The following KIAA1549 variants were observed in gnomAD, a reference collection of about 807,000 sequenced individuals.
KIAA1549 encodes the protein KIAA1549.
KIAA1549 carries 70 observed loss-of-function variants against 156.4 expected under a neutral mutation model. The observed-to-expected ratio is 0.45, with a 90% CI of 0.37 to 0.55. KIAA1549 has a LOEUF of 0.55. Among genes scored for constraint, KIAA1549 ranks in the 20% least tolerant of loss-of-function variants. The pLI, the probability that KIAA1549 is intolerant of heterozygous loss-of-function variation, is 0.00. For synonymous variants in KIAA1549, 1,103 were observed against 1,066.4 expected, an observed-to-expected ratio of 1.03 and a Z score of -0.67; for missense variants, 2,428 against 2,540.9, an observed-to-expected ratio of 0.96 and a Z score of 0.96.
intron 1 of KIAA1549, among the ~76,000 whole-genome samples, chr7:138,961,951 C>T (rs1299884354): frequency 6.6e-6 from 1 of 152,022 alleles, no homozygotes; most frequent in Non-Finnish European, 1.5e-5. Flanking sequence ...ATCCTCCCGC[C>T]CCTTTACCTG....
At chr7:138,855,402 A>G (rs543887324) in intron 16 of KIAA1549, among the ~76,000 whole-genome samples, 2 of 152,246 alleles carry the variant, frequency 1.3e-5, no homozygotes, top group East Asian at 1.9e-4. Flanking sequence ...CCACCCTAAC[A>G]TCGTATATTC....
chr7:138,949,406 T>TTAGG (rs1813430343), intron 1 of KIAA1549, among the ~76,000 whole-genome samples: 1 of 152,186 alleles, frequency 6.6e-6, no homozygotes, highest in Admixed American at 6.5e-5. Flanking sequence ...GACCCGCATA[T>TTAGG]TAGGTATCAG....
At chr7:138,909,150 A>G in intron 4 of KIAA1549, 29 bp from the exon 5 acceptor site, 2 of 1,597,794 alleles carry the variant, frequency 1.3e-6, no homozygotes, top group Non-Finnish European at 1.7e-6. Context: ...AAAGTCCCAT[A>G]AATGAGGTGT....
In KIAA1549 at chr7:138,869,611, C is replaced by G; in HGVS notation, c.4702G>C (p.Ala1568Pro). The change falls in exon 14 of 20, where the codon GCA becomes CCA. Residue 1568 changes from alanine (A) to proline (P), a missense_variant. Transcript: ENST00000422774. ...AGGATCTTGTCGATCTGCATCTGTG[C>G]CCTGCGGTACACCCGGTGTCGCTCC... ...TKERHRVYRR[A>P]QMQIDKILDP... 1 of 1,605,196 alleles carries G rather than the reference C, an allele frequency of 6.2e-7. No individual in the cohort carries two copies. Among genetic ancestry groups the G allele is most frequent in the Non-Finnish European group, 8.5e-7 (1 of 1,177,014 alleles).
intron 1 of KIAA1549, among the ~76,000 whole-genome samples, chr7:138,957,270 A>T (rs943019661): frequency 6.6e-6 from 1 of 152,164 alleles, no homozygotes; most frequent in Non-Finnish European, 1.5e-5. Context: ...AGGATTGAAC[A>T]AACCAGAGAC....
At chr7:138,935,871 C>G (rs1336105643) in intron 1 of KIAA1549, among the ~76,000 whole-genome samples, 1 of 152,138 alleles carries the variant, frequency 6.6e-6, no homozygotes, top group Non-Finnish European at 1.5e-5. Flanking sequence ...GAAGCAGCAG[C>G]AAGGACAAAG....
At chr7:138,858,322 C>T (rs191156316) in intron 16 of KIAA1549, among the ~76,000 whole-genome samples, 2 of 152,176 alleles carry the variant, frequency 1.3e-5, no homozygotes, top group East Asian at 1.9e-4. Flanking sequence ...TCTCAAACTC[C>T]TAGGCTCAAT....
chr7:138,893,310 G>C lies in KIAA1549; in HGVS notation c.4032+1032C>G, dbSNP rs932068896. Among the ~76,000 whole-genome samples the C allele has an allele frequency of 4.7e-5, 7 of 148,104 alleles. No homozygotes were observed. In the South Asian group the frequency reaches 1.5e-3, roughly 31 times the overall value. On this transcript the variant is annotated intron_variant, in intron 10 of 19. Transcript: ENST00000422774. ...TCTGCAAAATTAGGAGATAGGGAGT[G>C]GGGGGAGGTATTAAAAAAATCGAGA...
chr7:138,858,104 CT>C (rs1047680855), intron 16 of KIAA1549, among the ~76,000 whole-genome samples: 1 of 151,920 alleles, frequency 6.6e-6, no homozygotes, highest in Non-Finnish European at 1.5e-5. Flanking sequence ...TGCTTTATTG[CT>C]TTTCATTTCC....
chr7:138,896,653 G>A (rs1563067351), intron 9 of KIAA1549, among the ~76,000 whole-genome samples: 1 of 151,246 alleles, frequency 6.6e-6, no homozygotes, highest in Non-Finnish European at 1.5e-5. Flanking sequence ...AGAATGTGGT[G>A]GCACAATCAA....
Position 138,833,306 on chromosome 7 carries a change from TATAAC to T in KIAA1549, c.*4595_*4599del, listed in dbSNP as rs1340470796. ...GTGTGAAAGGGATGAGAGAGACTTATATAACAACTAATTTGTGAATTACTGCCAAT... is the reference window on the plus strand; with the variant it reads ...GTGTGAAAGGGATGAGAGAGACTTATAACTAATTTGTGAATTACTGCCAAT... On this transcript the variant is annotated 3_prime_UTR_variant, in exon 20 of 20. Coordinates refer to ENST00000422774, the MANE Select transcript of KIAA1549 (RefSeq NM_001164665.2). 1.7e-5 allele frequency: 4 copies of T among 232,568 alleles called. No individual in the cohort carries two copies. The highest frequency in any genetic ancestry group is 6.6e-5 in the African/African-American group (3 of 45,294). The allele number at this position is 232,568 out of a possible 1,614,324, so 14.4% of individuals were successfully genotyped here.
intron 10 of KIAA1549, among the ~76,000 whole-genome samples, chr7:138,887,060 T>G (rs1811412992): frequency 6.6e-6 from 1 of 151,714 alleles, no homozygotes; most frequent in Admixed American, 6.6e-5. Context: ...CACCACCACG[T>G]CTGGCTAACT....
At chr7:138,908,451 T>C (rs1454630151) in intron 5 of KIAA1549, among the ~76,000 whole-genome samples, 1 of 152,024 alleles carries the variant, frequency 6.6e-6, no homozygotes, top group Non-Finnish European at 1.5e-5. Flanking sequence ...CGACATTTAG[T>C]AAATCTGTAA....
In KIAA1549 at chr7:138,879,634, CAGCATCTGAGGG is replaced by C. The variant is rs1458405553; in HGVS notation, c.4237_4248del (p.Pro1413_Ala1416del). The C allele has an allele frequency of 6.4e-7, 1 of 1,551,952 alleles. No individual in the cohort carries two copies. The highest frequency in any genetic ancestry group is 1.2e-5 in the South Asian group (1 of 83,664). Reference sequence around the variant, plus strand: ...CTGGACTCTTCACTGACCGTAGAGTCAGCATCTGAGGGAGAAACTCTGCAGACACAAAATGAA... The same window carrying C: ...CTGGACTCTTCACTGACCGTAGAGTCAGAAACTCTGCAGACACAAAATGAA... On this transcript the variant is annotated inframe_deletion, in exon 12 of 20. Transcript: ENST00000422774.
At chr7:138,841,659 C>G (rs1809921968) in intron 18 of KIAA1549, among the ~76,000 whole-genome samples, 1 of 152,196 alleles carries the variant, frequency 6.6e-6, no homozygotes. Flanking sequence ...GCGTCCATAT[C>G]TAAAGGAGGC....
intron 1 of KIAA1549, among the ~76,000 whole-genome samples, chr7:138,942,067 G>A (rs574207409): frequency 9.2e-4 from 140 of 152,022 alleles, no homozygotes; most frequent in Non-Finnish European, 1.2e-3. Flanking sequence ...TCCTTCTCAC[G>A]TCATTGGTGA....
At chr7:138,894,233 T>A (rs904918054) in intron 10 of KIAA1549, 109 bp downstream of exon 10, 1 of 1,085,312 alleles carries the variant, frequency 9.2e-7, no homozygotes, top group Admixed American at 2.0e-5. Context: ...AAGATTTCCA[T>A]AATAGCCCTC....
chr7:138,884,967 G>A (rs544866218), intron 10 of KIAA1549, among the ~76,000 whole-genome samples: 5 of 152,360 alleles, frequency 3.3e-5, no homozygotes, highest in African/African-American at 7.2e-5. Flanking sequence ...AGGCTGAGCC[G>A]GGTGGATCAT....
intron 1 of KIAA1549, among the ~76,000 whole-genome samples, chr7:138,979,578 C>T (rs1814482191): frequency 6.6e-6 from 1 of 152,216 alleles, no homozygotes; most frequent in Admixed American, 6.5e-5. Context: ...CATTTATCTG[C>T]TGTGTCTTAT....
Sources: allele counts gnomAD v4.1 joint callset (sites outside exome capture counted in the v4.1 genomes callset), GRCh38; gene constraint gnomAD v4.1.1; transcripts MANE v1.5; gene names NCBI Gene and HGNC (gene_info 2026-07-23, HGNC 2026-07-21).